ENTREP3: variants seen among roughly 807,000 people sequenced by gnomAD.
The protein encoded by ENTREP3 is protein ENTREP3.
the ENTREP3 span, chr1:155,254,491 G>A: frequency 6.2e-7 from 1 of 1,613,064 alleles, no homozygotes; most frequent in Non-Finnish European, 8.5e-7. The surrounding 1 kb of genome is among the most constrained non-coding windows in gnomAD (Gnocchi z 4.4). Flanking sequence ...CAGCCTGGCA[G>A]GGGAGGCTCC....
the ENTREP3 span, chr1:155,254,866 C>T: frequency 1.9e-6 from 3 of 1,569,886 alleles, no homozygotes; most frequent in East Asian, 4.7e-5. This position sits in a 1 kb window ranked among gnomAD's most constrained non-coding sequence, Gnocchi z 4.4. Context: ...AGTCACTAGG[C>T]GAGGGCATCA....
the ENTREP3 span, chr1:155,250,725 C>A: frequency 6.2e-7 from 1 of 1,612,928 alleles, no homozygotes; most frequent in Non-Finnish European, 8.5e-7. This position sits in a 1 kb window ranked among gnomAD's most constrained non-coding sequence, Gnocchi z 5.4. Flanking sequence ...GCGCACGGAG[C>A]CCTGCAGCTC....
At chr1:155,248,538 C>T in the ENTREP3 span, 1 of 1,426,060 alleles carries the variant, frequency 7.0e-7, no homozygotes, top group Non-Finnish European at 9.9e-7. Context: ...CGCCCACCCT[C>T]CTGTGGGAAC....
the ENTREP3 span, chr1:155,252,088 T>G: frequency 2.1e-6 from 1 of 477,372 alleles, no homozygotes. Flanking sequence ...CCTGTACCTC[T>G]AGCTCTGGCC....
At chr1:155,248,363 A>G in the ENTREP3 span, 1 of 1,613,078 alleles carries the variant, frequency 6.2e-7, no homozygotes, top group Non-Finnish European at 8.5e-7. Context: ...CTGGGCAGCC[A>G]TGCCCAATCC....
At chr1:155,251,932 A>G in the ENTREP3 span, 2 of 1,414,160 alleles carry the variant, frequency 1.4e-6, no homozygotes, top group Non-Finnish European at 1.8e-6. Flanking sequence ...CAGGTCAGCA[A>G]GTCTGGATTC....
the ENTREP3 span, chr1:155,250,526 G>T: frequency 6.5e-7 from 1 of 1,529,954 alleles, no homozygotes. This position sits in a 1 kb window ranked among gnomAD's most constrained non-coding sequence, Gnocchi z 5.4. Context: ...GGTGGCAGCT[G>T]CGGGCAGCTG....
At chr1:155,253,920 G>A in the ENTREP3 span, 57 of 1,612,670 alleles carry the variant, frequency 3.5e-5, no homozygotes, top group African/African-American at 1.3e-4. Context: ...TTCCTGCCCC[G>A]ACTCTGGACA....
chr1:155,251,768 T>C, the ENTREP3 span: 158 of 1,608,376 alleles, frequency 9.8e-5, no homozygotes, highest in Non-Finnish European at 1.1e-5. Context: ...AGGTATACTC[T>C]GGGGGATAGT....
At chr1:155,251,288 C>CAA in the ENTREP3 span, 1 of 832,756 alleles carries the variant, frequency 1.2e-6, no homozygotes, top group Non-Finnish European at 1.9e-6. Flanking sequence ...CTTAATTGTG[C>CAA]AGCCTCAGCT....
chr1:155,249,570 C>G, the ENTREP3 span, among the ~76,000 whole-genome samples: 1 of 151,732 alleles, frequency 6.6e-6, no homozygotes, highest in Non-Finnish European at 1.5e-5. Flanking sequence ...AGGGTGAAAC[C>G]CTGTCTCTAC....
chr1:155,250,838 G>T, the ENTREP3 span: 5 of 1,584,148 alleles, frequency 3.2e-6, no homozygotes, highest in Non-Finnish European at 3.4e-6. The surrounding 1 kb of genome is among the most constrained non-coding windows in gnomAD (Gnocchi z 5.4). Context: ...GCGGCAGGGG[G>T]CGCTGTGTAG....
At chr1:155,251,213 C>A in the ENTREP3 span, 5 of 1,429,278 alleles carry the variant, frequency 3.5e-6, no homozygotes, top group Non-Finnish European at 3.8e-6. Context: ...CTGAACACCC[C>A]CATGTGCTAG....
chr1:155,253,954 G>A, the ENTREP3 span: 1 of 1,613,102 alleles, frequency 6.2e-7, no homozygotes, highest in Non-Finnish European at 8.5e-7. Flanking sequence ...GGAACAGAGG[G>A]ACAGCACACA....
At chr1:155,250,493 C>G in the ENTREP3 span, 3 of 1,492,936 alleles carry the variant, frequency 2.0e-6, no homozygotes, top group Non-Finnish European at 2.7e-6. This position sits in a 1 kb window ranked among gnomAD's most constrained non-coding sequence, Gnocchi z 5.4. Context: ...AGGGTCCCAC[C>G]CAGGGCGGCC....
the ENTREP3 span, chr1:155,251,812 C>T: frequency 6.3e-7 from 1 of 1,581,226 alleles, no homozygotes; most frequent in Non-Finnish European, 8.6e-7. Flanking sequence ...ACAAATTCCT[C>T]CAGGTCCAGC....
the ENTREP3 span, chr1:155,255,367 GGA>G: frequency 6.2e-6 from 1 of 160,102 alleles, no homozygotes; most frequent in Non-Finnish European, 1.4e-5. This position sits in a 1 kb window ranked among gnomAD's most constrained non-coding sequence, Gnocchi z 5.6. Flanking sequence ...CGCCTGGTGG[GGA>G]GAGGCCGCGG....
At chr1:155,248,539 C>T in the ENTREP3 span, 1 of 1,418,958 alleles carries the variant, frequency 7.0e-7, no homozygotes, top group East Asian at 2.3e-5. Context: ...GCCCACCCTC[C>T]TGTGGGAACT....
chr1:155,254,929 G>A, the ENTREP3 span: 1 of 1,439,312 alleles, frequency 6.9e-7, no homozygotes. The surrounding 1 kb of genome is among the most constrained non-coding windows in gnomAD (Gnocchi z 4.4). Context: ...GCACTTGGGA[G>A]CATCTCAGAG....
Sources: allele counts gnomAD v4.1 joint callset (sites outside exome capture counted in the v4.1 genomes callset), GRCh38; gene constraint gnomAD v4.1.1; non-coding constraint Gnocchi (gnomAD v3.1); transcripts MANE v1.5; gene names NCBI Gene and HGNC (gene_info 2026-07-23, HGNC 2026-07-21).